ZNF329: variants seen among roughly 807,000 people sequenced by gnomAD.
The protein encoded by ZNF329 is zinc finger protein 329.
In ZNF329, 15 loss-of-function variants were observed where a neutral mutation model predicts 26.6. The observed-to-expected ratio is 0.56, with a 90% CI of 0.38 to 0.87. The LOEUF is 0.87. ZNF329 is among the 40% of genes least tolerant of loss of function. ZNF329 has a pLI of 0.00. For synonymous variants in ZNF329, 239 were observed against 233.5 expected (o/e 1.02, Z -0.21); for missense variants, 651 against 651.9 (o/e 1.00, Z 0.02).
chr19:58,154,928 C>A (rs1275457258), upstream of ZNF329: 1 of 152,380 alleles, frequency 6.6e-6, no homozygotes. Flanking sequence ...AGCCCGTGCA[C>A]CCACGGCGGA....
At chr19:58,137,971 C>T (rs932182191) in intron 3 of ZNF329, among the ~76,000 whole-genome samples, 1 of 151,658 alleles carries the variant, frequency 6.6e-6, no homozygotes, top group African/African-American at 2.4e-5. Context: ...AGAGCAAGAC[C>T]CTGTCTCAAT....
chr19:58,135,482 T>C (rs1404904181), intron 3 of ZNF329, among the ~76,000 whole-genome samples: 1 of 152,138 alleles, frequency 6.6e-6, no homozygotes, highest in Non-Finnish European at 1.5e-5. Context: ...ACCAGGCTGG[T>C]CTCGCACTCC....
intron 3 of ZNF329, among the ~76,000 whole-genome samples, chr19:58,135,163 C>T (rs1371174980): frequency 1.3e-5 from 2 of 151,926 alleles, no homozygotes; most frequent in Non-Finnish European, 2.9e-5. Context: ...CCCAGGCTGG[C>T]CTCAAACTCC....
rs538660360 is a variant in ZNF329, at chr19:58,144,243, C to T, written c.-207-1045G>A. 4.6e-3 allele frequency among the ~76,000 whole-genome samples: 695 copies of T among 151,404 alleles called. 3 individuals carry two copies. The highest frequency in any genetic ancestry group is 7.1e-3 in the Non-Finnish European group (481 of 67,836). On this transcript the variant is annotated intron_variant, in intron 1 of 3. Coordinates refer to ENST00000598312, the MANE Select transcript of ZNF329 (RefSeq NM_024620.4). Reference sequence around the variant, plus strand: ...AGGCTGGAGTGCAGTGGCGTGATCTCAACTCACTGCAACCTCCGCCTCCTG... The same window carrying T: ...AGGCTGGAGTGCAGTGGCGTGATCTTAACTCACTGCAACCTCCGCCTCCTG...
chr19:58,153,411 CA>C (rs1358988073), upstream of ZNF329, among the ~76,000 whole-genome samples: 1 of 152,094 alleles, frequency 6.6e-6, no homozygotes. Context: ...CGCCTGGCCA[CA>C]AGTGTATATT....
chr19:58,148,082 G>A (rs374975745), intron 1 of ZNF329, among the ~76,000 whole-genome samples: 1 of 151,906 alleles, frequency 6.6e-6, no homozygotes, highest in African/African-American at 2.4e-5. Context: ...CTGTTGATCT[G>A]TGACCTTACC....
intron 3 of ZNF329, among the ~76,000 whole-genome samples, chr19:58,137,578 ATTATGG>A: frequency 6.6e-6 from 1 of 151,896 alleles, no homozygotes; most frequent in Non-Finnish European, 1.5e-5. Flanking sequence ...CGCAGCAGAA[ATTATGG>A]AAATTAAAAA....
At chr19:58,130,491 T>C (rs1174071227) in intron 3 of ZNF329, among the ~76,000 whole-genome samples, 1 of 151,040 alleles carries the variant, frequency 6.6e-6, no homozygotes, top group East Asian at 1.9e-4. Flanking sequence ...GCTAACGTGG[T>C]GAAACCCCGT....
chr19:58,147,891 G>T (rs1264204209), intron 1 of ZNF329, among the ~76,000 whole-genome samples: 1 of 151,868 alleles, frequency 6.6e-6, no homozygotes, highest in Non-Finnish European at 1.5e-5. Context: ...CGTCTGGGAG[G>T]TGTACCCAAC....
At chr19:58,149,903 T>C (rs1456036594) in intron 1 of ZNF329, among the ~76,000 whole-genome samples, 3 of 152,126 alleles carry the variant, frequency 2.0e-5, no homozygotes, top group East Asian at 1.9e-4. Context: ...TAGTGAGGTG[T>C]TTGAGGGAGA....
chr19:58,146,365 T>C (rs1231988864), intron 1 of ZNF329, among the ~76,000 whole-genome samples: 2 of 151,996 alleles, frequency 1.3e-5, no homozygotes, highest in African/African-American at 2.4e-5. Flanking sequence ...TTCCAGCTAC[T>C]TGGGAGGCTG....
rs1056484814 is a variant in ZNF329 at position 58,126,283 on chromosome 19, T to C, written c.*1595A>G. On this transcript the variant is annotated 3_prime_UTR_variant, in exon 4 of 4. Transcript: ENST00000598312. ...ACTTTTTAATTTATTACCAAATTAT[T>C]ATGCCAACAAGTATCTGTAACAGAG... 2 of 152,178 alleles carry C rather than the reference T, an allele frequency of 1.3e-5. No individual in the cohort carries two copies. The highest frequency in any genetic ancestry group is 2.9e-5 in the Non-Finnish European group (2 of 68,036). 9.4% of individuals were successfully genotyped at this position (152,178 alleles called of 1,614,324 possible).
chr19:58,144,379 T>TCTAC (rs2075255390), intron 1 of ZNF329, among the ~76,000 whole-genome samples: 1 of 77,838 alleles, frequency 1.3e-5, no homozygotes, highest in African/African-American at 5.1e-5. Flanking sequence ...TATCTATCTA[T>TCTAC]CTATATATAT....
intron 3 of ZNF329, among the ~76,000 whole-genome samples, chr19:58,133,793 ATTTAT>A (rs1347054113): frequency 6.6e-6 from 1 of 151,940 alleles, no homozygotes; most frequent in Non-Finnish European, 1.5e-5. Flanking sequence ...GAGCCCAGGC[ATTTAT>A]GACTAGTCTG....
intron 1 of ZNF329, among the ~76,000 whole-genome samples, chr19:58,150,299 C>G (rs1215606104): frequency 2.6e-5 from 4 of 152,340 alleles, no homozygotes; most frequent in East Asian, 3.9e-4. Flanking sequence ...CACTGGCTCA[C>G]GGCCGCCAAT....
intron 1 of ZNF329, among the ~76,000 whole-genome samples, chr19:58,146,401 G>T (rs990211035): frequency 2.0e-5 from 3 of 152,070 alleles, no homozygotes; most frequent in Admixed American, 1.3e-4. Flanking sequence ...TTGAGCCTGG[G>T]AAGTAGAGGT....
At chr19:58,144,596 C>A (rs1321812972) in intron 1 of ZNF329, among the ~76,000 whole-genome samples, 3 of 151,834 alleles carry the variant, frequency 2.0e-5, no homozygotes, top group Non-Finnish European at 2.9e-5. Flanking sequence ...ACCAAGTCGG[C>A]CAGGCTGATC....
upstream of ZNF329, chr19:58,154,617 A>G (rs2075512389): frequency 6.6e-6 from 1 of 152,340 alleles, no homozygotes; most frequent in African/African-American, 2.4e-5. Context: ...CGACACACTC[A>G]TAAGCAGCCC....
At chr19:58,140,574 A>G (rs281063) in intron 3 of ZNF329, among the ~76,000 whole-genome samples, 88,220 of 151,446 alleles carry the variant, frequency 0.58, 25,693 homozygotes, top group South Asian at 0.64. Context: ...CACCACACCC[A>G]GCTGATTTTT....
Sources: allele counts gnomAD v4.1 joint callset (sites outside exome capture counted in the v4.1 genomes callset), GRCh38; gene constraint gnomAD v4.1.1; transcripts MANE v1.5; gene names NCBI Gene and HGNC (gene_info 2026-07-23, HGNC 2026-07-21).